LIMK2: variants seen among roughly 807,000 people sequenced by gnomAD.
The protein encoded by LIMK2 is LIM domain kinase 2.
In LIMK2, 35 loss-of-function variants were observed where a neutral mutation model predicts 75.7. The ratio of observed to expected loss-of-function variants is 0.46; its 90% CI spans 0.35 to 0.61. LIMK2 has a LOEUF of 0.61. Among genes scored for constraint, LIMK2 ranks in the 20% least tolerant of loss-of-function variants. The pLI is 0.00. For missense variants in LIMK2, 623 were observed against 831.0 expected, an observed-to-expected ratio of 0.75 and a Z score of 3.08; for synonymous variants, 301 against 319.2, an observed-to-expected ratio of 0.94 and a Z score of 0.61.
chr22:31,272,525 A>G lies in LIMK2; in HGVS notation c.1384-5A>G, dbSNP rs1386982071. The G allele has an allele frequency of 6.2e-7, 1 of 1,607,312 alleles. No individual in the cohort carries two copies. Among genetic ancestry groups the G allele is most frequent in the Non-Finnish European group, 8.5e-7 (1 of 1,177,738 alleles). On this transcript the variant is annotated splice_region_variant and splice_polypyrimidine_tract_variant and intron_variant, in intron 12 of 15. Transcript: ENST00000331728. ...GAAGTCCTGACCTGTCTTTTATCCT[A>G]CCAGGACAAGACTGTGGTGGTGGCA...
intron 2 of LIMK2, among the ~76,000 whole-genome samples, chr22:31,238,384 T>C (rs1568988121): frequency 1.3e-5 from 2 of 152,182 alleles, no homozygotes; most frequent in African/African-American, 4.8e-5. Context: ...TAATTCAGCT[T>C]CCTGGGATAC....
chr22:31,228,298 A>G (rs1329774223), intron 2 of LIMK2, among the ~76,000 whole-genome samples: 1 of 152,154 alleles, frequency 6.6e-6, no homozygotes, highest in Admixed American at 6.5e-5. Flanking sequence ...ACATGCCTGT[A>G]ATCCCAGCTA....
At chr22:31,258,591 G>A (rs1313463842) in intron 3 of LIMK2, 165 bp downstream of exon 3, 2 of 684,630 alleles carry the variant, frequency 2.9e-6, no homozygotes, top group African/African-American at 3.6e-5. Flanking sequence ...CACCTACTAA[G>A]TGAAAGGTAA....
At chr22:31,220,110 A>C (rs953623279) in intron 1 of LIMK2, among the ~76,000 whole-genome samples, 18 of 147,222 alleles carry the variant, frequency 1.2e-4, no homozygotes, top group African/African-American at 4.9e-4. Flanking sequence ...TGGTAAGAGA[A>C]TAGATCAATG....
At chr22:31,259,587 A>G (rs2048817644) in intron 4 of LIMK2, among the ~76,000 whole-genome samples, 1 of 152,160 alleles carries the variant, frequency 6.6e-6, no homozygotes, top group Admixed American at 6.5e-5. Flanking sequence ...ATAGAATAGT[A>G]CAAGGGCAAG....
At chr22:31,266,612 G>C (rs1468365842) in intron 8 of LIMK2, among the ~76,000 whole-genome samples, 1 of 152,128 alleles carries the variant, frequency 6.6e-6, no homozygotes, top group African/African-American at 2.4e-5. Context: ...GATCCACCCA[G>C]CTCCCTGGTG....
intron 2 of LIMK2, among the ~76,000 whole-genome samples, chr22:31,228,572 G>A (rs532787835): frequency 2.2e-3 from 342 of 152,314 alleles, no homozygotes; most frequent in Admixed American, 6.0e-3. Context: ...CATGCCACAT[G>A]GTTGTTAGGG....
At chr22:31,225,944 A>ATG in intron 2 of LIMK2, 125 bp downstream of exon 2, 1 of 759,402 alleles carries the variant, frequency 1.3e-6, no homozygotes, top group Non-Finnish European at 2.2e-6. Flanking sequence ...GGGGAAAGGA[A>ATG]TGTACCAAGG....
At chr22:31,229,079 T>C (rs1164259147) in intron 2 of LIMK2, among the ~76,000 whole-genome samples, 1 of 152,232 alleles carries the variant, frequency 6.6e-6, no homozygotes, top group Non-Finnish European at 1.5e-5. Flanking sequence ...TGATCTGATG[T>C]GGAGCCCCAG....
intron 2 of LIMK2, among the ~76,000 whole-genome samples, chr22:31,243,687 C>T (rs2048642881): frequency 6.6e-6 from 1 of 152,190 alleles, no homozygotes; most frequent in African/African-American, 2.4e-5. Context: ...CTATAATTGC[C>T]AGTCAAAGGA....
chr22:31,263,693 T>C (rs751164656), intron 7 of LIMK2, among the ~76,000 whole-genome samples: 3 of 150,066 alleles, frequency 2.0e-5, no homozygotes, highest in Non-Finnish European at 4.4e-5. Flanking sequence ...AAAATAATAA[T>C]AATAATTGTT....
At chr22:31,257,958 A>G (rs1198061400) in intron 2 of LIMK2, among the ~76,000 whole-genome samples, 1 of 152,030 alleles carries the variant, frequency 6.6e-6, no homozygotes. Context: ...CCTGTCCCCC[A>G]CCTAAATTAT....
intron 1 of LIMK2, among the ~76,000 whole-genome samples, chr22:31,218,965 T>G (rs1441894435): frequency 6.6e-6 from 1 of 152,226 alleles, no homozygotes; most frequent in Non-Finnish European, 1.5e-5. Context: ...CTCACCATTT[T>G]GAAGCCTAAA....
Position 31,262,653 on chromosome 22 carries a change from C to T in LIMK2, c.716C>T (p.Pro239Leu), listed in dbSNP as rs762005629. The T allele has an allele frequency of 6.2e-7, 1 of 1,614,188 alleles. No homozygotes were observed. Among genetic ancestry groups the T allele is most frequent in the Non-Finnish European group, 8.5e-7 (1 of 1,180,028 alleles). The change falls in exon 7 of 16, where the codon CCC (proline) becomes CTC (leucine). Residue 239 changes from proline (P) to leucine (L), a missense_variant. This residue lies in a region of LIMK2 where 514 missense variants were observed against 661.3 expected (regional missense o/e 0.78). Transcript: ENST00000331728. This position sits in a 1 kb window ranked among gnomAD's most constrained non-coding sequence, Gnocchi z 5.0. ...QTLQLLIEHD[P>L]VSQRLDQLRL... The stretch of plus-strand genomic sequence containing the variant: ...CTTCAGCTGTTGATTGAACATGACC[C>T]CGTCTCCCAACGCCTGGACCAGCTG...
chr22:31,238,154 A>G (rs1277574708), intron 2 of LIMK2, among the ~76,000 whole-genome samples: 1 of 151,960 alleles, frequency 6.6e-6, no homozygotes, highest in African/African-American at 2.4e-5. Flanking sequence ...ATAATAAATA[A>G]GTGGCCAGCA....
chr22:31,249,787 G>T (rs957840939), intron 2 of LIMK2, among the ~76,000 whole-genome samples: 1 of 152,164 alleles, frequency 6.6e-6, no homozygotes, highest in South Asian at 2.1e-4. Context: ...ATGTGGTTTT[G>T]TGGAATGACC....
At position 31,255,227 on chromosome 22, in the gene LIMK2, C is replaced by G. The variant is rs116220732; in HGVS notation, c.117-3064C>G. 7.6e-3 allele frequency among the ~76,000 whole-genome samples: 1,164 copies of G among 152,218 alleles called. 16 individuals carry two copies. Among genetic ancestry groups the G allele is most frequent in the African/African-American group, 0.027 (1,110 of 41,518 alleles). On this transcript the variant is annotated intron_variant, in intron 2 of 15. Coordinates refer to ENST00000331728, the MANE Select transcript of LIMK2 (RefSeq NM_005569.4). Reference sequence around the variant, plus strand: ...GGGCTTGTCCAAGGCAATTTAGCACCCAAGAACTTGAACCCATATCTCTCT... The same window carrying G: ...GGGCTTGTCCAAGGCAATTTAGCACGCAAGAACTTGAACCCATATCTCTCT...
intron 1 of LIMK2, chr22:31,222,731 G>A (rs1320226719): frequency 6.6e-6 from 1 of 151,774 alleles, no homozygotes; most frequent in Non-Finnish European, 1.5e-5. Flanking sequence ...TTTAAAATTA[G>A]ATTTTAAAAC....
At chr22:31,271,817 C>T (rs1361420673) in intron 12 of LIMK2, among the ~76,000 whole-genome samples, 1 of 152,206 alleles carries the variant, frequency 6.6e-6, no homozygotes, top group African/African-American at 2.4e-5. Flanking sequence ...ACTGCCTCCA[C>T]CTTGCCTTTT....
Sources: gnomAD v4.1 joint callset for allele counts (sites outside exome capture counted in the v4.1 genomes callset) on GRCh38, gnomAD v4.1.1 for gene constraint, gnomAD v4.1.1 regional missense constraint, Gnocchi (gnomAD v3.1) non-coding constraint, MANE v1.5 for transcripts, NCBI Gene and HGNC (gene_info 2026-07-23, HGNC 2026-07-21) for gene names.